PLEKHG3: variants seen among roughly 807,000 people sequenced by gnomAD.
PLEKHG3 encodes the protein pleckstrin homology domain-containing family G member 3.
PLEKHG3 carries 62 observed loss-of-function variants against 94.9 expected under a neutral mutation model. The observed-to-expected ratio is 0.65, with a 90% CI of 0.53 to 0.81. PLEKHG3 has a LOEUF of 0.81. PLEKHG3 is among the 30% of genes least tolerant of loss of function. PLEKHG3 has a pLI of 0.00. For synonymous variants in PLEKHG3, 614 were observed against 654.0 expected (o/e 0.94, Z 0.93); for missense variants, 1,461 against 1,619.3 (o/e 0.90, Z 1.68).
At chr14:64,737,907 C>T (rs879510144) in intron 14 of PLEKHG3, 59 of 1,212,180 alleles carry the variant, frequency 4.9e-5, no homozygotes, top group East Asian at 1.7e-4. Flanking sequence ...GCAGCCCTCC[C>T]GTACTCGGGG....
chr14:64,705,530 T>C (rs1216156798), intron 1 of PLEKHG3, among the ~76,000 whole-genome samples: 2 of 152,146 alleles, frequency 1.3e-5, no homozygotes, highest in Non-Finnish European at 2.9e-5. Context: ...CATATGTAGG[T>C]GCCTGTCCCC....
At chr14:64,735,263 T>C (rs763882083) in intron 12 of PLEKHG3, among the ~76,000 whole-genome samples, 2 of 152,164 alleles carry the variant, frequency 1.3e-5, no homozygotes, top group African/African-American at 4.8e-5. Flanking sequence ...TTTGTTTTCA[T>C]TGGTCTAAGT....
chr14:64,738,831 C>T lies in PLEKHG3; in HGVS notation c.1494C>T (p.Phe498=), dbSNP rs781425977. 6.3e-6 allele frequency: 10 copies of T among 1,589,584 alleles called. No homozygotes were observed. Among genetic ancestry groups the T allele is most frequent in the East Asian group, 4.6e-5 (2 of 43,728 alleles). The stretch of plus-strand genomic sequence containing the variant: ...CCAGTACTGAGAAGCGCATGAGCTT[C>T]GAGTCCATTTCTTCCCTGCCAGAGG... The part of the protein sequence containing the change: ...SPTSTEKRMS[F]ESISSLPEVE... The change falls in exon 15 of 17, where the codon TTC becomes TTT. Residue 498 remains phenylalanine, a synonymous_variant. Coordinates refer to ENST00000247226, the MANE Select transcript of PLEKHG3 (RefSeq NM_001308147.2). This position sits in a 1 kb window ranked among gnomAD's most constrained non-coding sequence, Gnocchi z 4.8.
In PLEKHG3 at chr14:64,732,262, C is replaced by T. The variant is rs533569021; in HGVS notation, c.1212+81C>T. The T allele has an allele frequency of 1.2e-5, 16 of 1,377,878 alleles. No individual in the cohort carries two copies. In the South Asian group the frequency reaches 1.9e-4, roughly 16 times the overall value. The allele number at this position is 1,377,878 out of a possible 1,614,324, so 85.4% of individuals were successfully genotyped here. A position where few individuals can be genotyped will look rare whatever the true frequency, so the allele number is the denominator to read the frequency against. ...CTCTGCAAGGTCCATTGGGGGCTCA[C>T]CTTCTGGATTTGGGCTCCAGTGGAC... On this transcript the variant is annotated intron_variant, in intron 10 of 16. Coordinates refer to ENST00000247226, the MANE Select transcript of PLEKHG3 (RefSeq NM_001308147.2). The surrounding 1 kb of genome is among the most constrained non-coding windows in gnomAD (Gnocchi z 4.9).
rs1224088050 is a variant in PLEKHG3, at chr14:64,715,084, G to T, written c.-40+10380G>T. ...GGAGAAGGAAGGCCTGTGTCTTGGG[G>T]TTGTCTACTGCTGGTTACGTACTGT... On this transcript the variant is annotated intron_variant, in intron 1 of 16. Transcript: ENST00000247226. This position sits in a 1 kb window ranked among gnomAD's most constrained non-coding sequence, Gnocchi z 4.4. Among the ~76,000 whole-genome samples the T allele has an allele frequency of 6.6e-6, 1 of 152,154 alleles. No homozygotes were observed.
rs1319885899 is a variant in PLEKHG3, at chr14:64,741,861, A to G, written c.2344A>G (p.Thr782Ala). ...GSKRQVGSRP[T>A]SWALFELPGP... Reference sequence around the variant, plus strand: ...CAAGAGACAGGTGGGCTCCCGGCCGACTTCGTGGGCCCTGTTTGAGCTCCC... The same window carrying G: ...CAAGAGACAGGTGGGCTCCCGGCCGGCTTCGTGGGCCCTGTTTGAGCTCCC... The change falls in exon 16 of 17, where the codon ACT becomes GCT. Residue 782 changes from threonine to alanine, a missense_variant. By Grantham distance (58) the Thr-to-Ala change is moderately conservative. Transcript: ENST00000247226. The G allele has an allele frequency of 6.2e-7, 1 of 1,613,228 alleles. No homozygotes were observed. Among genetic ancestry groups the G allele is most frequent in the Admixed American group, 1.7e-5 (1 of 59,986 alleles).
In PLEKHG3 at chr14:64,738,742, G is replaced by T; in HGVS notation, c.1405G>T (p.Gly469Ter). The change falls in exon 15 of 17, where the codon GGA (glycine) becomes TGA (stop). Residue 469 changes from glycine to a stop codon, truncating the protein, a stop_gained and splice_region_variant. Coordinates refer to ENST00000247226, the MANE Select transcript of PLEKHG3 (RefSeq NM_001308147.2). LOFTEE classifies it high-confidence loss of function. This position sits in a 1 kb window ranked among gnomAD's most constrained non-coding sequence, Gnocchi z 4.8. ...TGATGACTGACCTCTACCTCTGCAGGGAAAGGGGCGCAGGGAGTCTGAAAG... is the reference window on the plus strand; with the variant it reads ...TGATGACTGACCTCTACCTCTGCAGTGAAAGGGGCGCAGGGAGTCTGAAAG... ...NEKARAAGMK[G>*]KGRRESESSR... 1 of 1,574,874 alleles carries T rather than the reference G, an allele frequency of 6.3e-7. No homozygotes were observed. The highest frequency in any genetic ancestry group is 8.6e-7 in the Non-Finnish European group (1 of 1,158,728).
At position 64,739,253 on chromosome 14, in the gene PLEKHG3, T is replaced by C. The variant is rs982020840; in HGVS notation, c.1518+398T>C. Among the ~76,000 whole-genome samples the C allele has an allele frequency of 2.0e-5, 3 of 152,174 alleles. No individual in the cohort carries two copies. The highest frequency in any genetic ancestry group is 7.2e-5 in the African/African-American group (3 of 41,432). ...GCAAAGGGTAGAGAACTGATATCTG[T>C]TGGACACCTCCTCTGTAACTGATGT... On this transcript the variant is annotated intron_variant, in intron 15 of 16. Coordinates refer to ENST00000247226, the MANE Select transcript of PLEKHG3 (RefSeq NM_001308147.2). The surrounding 1 kb of genome is among the most constrained non-coding windows in gnomAD (Gnocchi z 4.1).
chr14:64,707,173 A>C (rs777316579), intron 1 of PLEKHG3, among the ~76,000 whole-genome samples: 3 of 152,198 alleles, frequency 2.0e-5, no homozygotes, highest in Non-Finnish European at 4.4e-5. Context: ...GAAGCCCTCC[A>C]GCGGGGGCCC....
chr14:64,749,326 A>G lies in PLEKHG3; in HGVS notation c.*5623A>G. On this transcript the variant is annotated 3_prime_UTR_variant, in exon 17 of 17. Coordinates refer to ENST00000247226, the MANE Select transcript of PLEKHG3 (RefSeq NM_001308147.2). This position sits in a 1 kb window ranked among gnomAD's most constrained non-coding sequence, Gnocchi z 4.7. ...ACCTGCTACTTCTTTTTGGGGAAGA[A>G]GCTGAATCTCTTCTCCTTGTCTTTC... The G allele has an allele frequency of 6.2e-7, 1 of 1,607,668 alleles. No homozygotes were observed.
Position 64,719,347 on chromosome 14 carries a change from C to T in PLEKHG3, c.-39-8246C>T, listed in dbSNP as rs555700478. Among the ~76,000 whole-genome samples the T allele has an allele frequency of 1.6e-4, 24 of 152,192 alleles. No individual in the cohort carries two copies. In the South Asian group the frequency reaches 4.2e-3, roughly 26 times the overall value. ...GATTTATCCGTTATCATCATCACCA[C>T]CACCACCATTCTCGGTGGGCTTACT... On this transcript the variant is annotated intron_variant, in intron 1 of 16. Transcript: ENST00000247226.
In PLEKHG3 at chr14:64,731,823, G is replaced by GC; in HGVS notation, c.1125+18dup. 6.4e-7 allele frequency: 1 copy of GC among 1,573,914 alleles called. No homozygotes were observed. Among genetic ancestry groups the GC allele is most frequent in the Non-Finnish European group, 8.7e-7 (1 of 1,144,170 alleles). On this transcript the variant is annotated intron_variant, in intron 9 of 16. Transcript: ENST00000247226. The surrounding 1 kb of genome is among the most constrained non-coding windows in gnomAD (Gnocchi z 6.1). The stretch of plus-strand genomic sequence containing the variant: ...AGCATCCAGGTGAGGGGAAGGTGGG[G>GC]CTCAGGGGCTAGGGAACAAGATGCC...
In PLEKHG3 at chr14:64,738,196, A is replaced by G. The variant is rs2081613728; in HGVS notation, c.1405-546A>G. The G allele has an allele frequency of 1.6e-6, 2 of 1,289,602 alleles. No individual in the cohort carries two copies. 79.9% of individuals were successfully genotyped at this position (1,289,602 alleles called of 1,614,324 possible). On this transcript the variant is annotated intron_variant, in intron 14 of 16. Coordinates refer to ENST00000247226, the MANE Select transcript of PLEKHG3 (RefSeq NM_001308147.2). The surrounding 1 kb of genome is among the most constrained non-coding windows in gnomAD (Gnocchi z 4.8). ...CTCCACTGCTGGCACTATCGGGCCA[A>G]CGCTTTACTTTTCTCCCGGGGCGCT...
chr14:64,742,335 A>C lies in PLEKHG3; in HGVS notation c.2818A>C (p.Asn940His), dbSNP rs1378653376. 1 of 1,613,074 alleles carries C rather than the reference A, an allele frequency of 6.2e-7. No individual in the cohort carries two copies. The highest frequency in any genetic ancestry group is 8.5e-7 in the Non-Finnish European group (1 of 1,180,024). The change falls in exon 16 of 17, where the codon AAC becomes CAC. Residue 940 changes from asparagine (N) to histidine (H), a missense_variant. Physicochemically the swap from Asn to His is moderately conservative, Grantham distance 68 (BLOSUM62 1). Transcript: ENST00000247226. ...CCAGTACAGCCTCCGGATCAAGAGC[A>C]ACAAGCCAGTGATGGCCAGGCCACC... Reference protein sequence around the residue: ...ARQYSLRIKSNKPVMARPPLQ... With the variant: ...ARQYSLRIKSHKPVMARPPLQ...
Position 64,749,072 on chromosome 14 carries a change from A to C in PLEKHG3, c.*5369A>C, listed in dbSNP as rs1270097363. 1 of 450,878 alleles carries C rather than the reference A, an allele frequency of 2.2e-6. No individual in the cohort carries two copies. The highest frequency in any genetic ancestry group is 4.8e-5 in the East Asian group (1 of 20,628). 27.9% of individuals were successfully genotyped at this position (450,878 alleles called of 1,614,324 possible). ...CTGGAGGCCCCAAAGGCGCCAGAGG[A>C]GCTGGGAGCCCCTGTCCCTGGAGCG... is the stretch of plus-strand genomic sequence containing the variant. On this transcript the variant is annotated 3_prime_UTR_variant, in exon 17 of 17. Coordinates refer to ENST00000247226, the MANE Select transcript of PLEKHG3 (RefSeq NM_001308147.2). The surrounding 1 kb of genome is among the most constrained non-coding windows in gnomAD (Gnocchi z 4.7).
In PLEKHG3 at chr14:64,738,340, C is replaced by T; in HGVS notation, c.1405-402C>T. The T allele has an allele frequency of 3.8e-6, 2 of 527,180 alleles. No individual in the cohort carries two copies. The highest frequency in any genetic ancestry group is 1.8e-5 in the South Asian group (1 of 54,760). The allele number at this position is 527,180 out of a possible 1,614,324, so 32.7% of individuals were successfully genotyped here. On this transcript the variant is annotated intron_variant, in intron 14 of 16. Coordinates refer to ENST00000247226, the MANE Select transcript of PLEKHG3 (RefSeq NM_001308147.2). This position sits in a 1 kb window ranked among gnomAD's most constrained non-coding sequence, Gnocchi z 4.8. ...CCACCCTGCCCTGGTTTTACTCCTC[C>T]CCTCAGCACTTAACACCATCGCTCG...
At position 64,716,535 on chromosome 14, in the gene PLEKHG3, A is replaced by ACACACACG. The variant is rs2081165704; in HGVS notation, c.-39-11051_-39-11050insGCACACAC. ...CACACACACACACACACACACACACACACACACACACACACAAAGCAGAGT... is the reference window on the plus strand; with the variant it reads ...CACACACACACACACACACACACACACACACACGCACACACACACACACAAAGCAGAGT... On this transcript the variant is annotated intron_variant, in intron 1 of 16. Transcript: ENST00000247226. This position sits in a 1 kb window ranked among gnomAD's most constrained non-coding sequence, Gnocchi z 5.0. 6.7e-6 allele frequency among the ~76,000 whole-genome samples: 1 copy of ACACACACG among 148,614 alleles called. No homozygotes were observed. The highest frequency in any genetic ancestry group is 1.5e-5 in the Non-Finnish European group (1 of 67,254).
At position 64,716,494 on chromosome 14, in the gene PLEKHG3, ACAACACACACACACACACAC is replaced by A. The variant is rs1566694123; in HGVS notation, c.-39-11098_-39-11079del. Among the ~76,000 whole-genome samples, 9 of 83,210 alleles carry A rather than the reference ACAACACACACACACACACAC, an allele frequency of 1.1e-4. No individual in the cohort carries two copies. Among genetic ancestry groups the A allele is most frequent in the African/African-American group, 4.1e-4 (9 of 21,886 alleles). 54.6% of individuals were successfully genotyped at this position (83,210 alleles called of 152,430 possible). A position where few individuals can be genotyped will look rare whatever the true frequency, so the allele number is the denominator to read the frequency against. On this transcript the variant is annotated intron_variant, in intron 1 of 16. Transcript: ENST00000247226. The surrounding 1 kb of genome is among the most constrained non-coding windows in gnomAD (Gnocchi z 5.0). ...ACACACACACACAACACACACACAC[ACAACACACACACACACACAC>A]ACACACACACACACACACACACACA...
Position 64,742,372 on chromosome 14 carries a change from A to C in PLEKHG3, c.2855A>C (p.Glu952Ala), listed in dbSNP as rs1343748622. Residue 952 changes from glutamate (E) to alanine (A), a missense_variant, in exon 16 of 17, where the codon GAA becomes GCA. Transcript: ENST00000247226. ...PVMARPPLQWEKVAPERDGKS... is the reference protein window; with the variant it reads ...PVMARPPLQWAKVAPERDGKS... ...ATGGCCAGGCCACCACTGCAGTGGG[A>C]AAAGGTGGCCCCTGAGAGGGATGGG... is the stretch of plus-strand genomic sequence containing the variant. 1 of 1,612,806 alleles carries C rather than the reference A, an allele frequency of 6.2e-7. No individual in the cohort carries two copies. Among genetic ancestry groups the C allele is most frequent in the Admixed American group, 1.7e-5 (1 of 60,028 alleles).
Sources: gnomAD v4.1 joint callset for allele counts (sites outside exome capture counted in the v4.1 genomes callset) on GRCh38, gnomAD v4.1.1 for gene constraint, Gnocchi (gnomAD v3.1) non-coding constraint, MANE v1.5 for transcripts, NCBI Gene and HGNC (gene_info 2026-07-23, HGNC 2026-07-21) for gene names.